MCOLN2: variants seen among roughly 807,000 people sequenced by gnomAD.
The protein encoded by MCOLN2 is mucolipin-2.
Under a neutral mutation model 67.5 loss-of-function variants are expected in MCOLN2, and 57 were observed. The ratio of observed to expected loss-of-function variants is 0.84; its 90% CI spans 0.68 to 1.05. The LOEUF (loss-of-function observed/expected upper bound fraction) is 1.05, where lower values mean the gene tolerates loss of function less well. Ranked by LOEUF, MCOLN2 falls within the 50% of genes least tolerant of loss-of-function variation. MCOLN2 has a pLI of 0.00. For missense variants in MCOLN2, 620 were observed against 678.8 expected (o/e 0.91, Z 0.96); for synonymous variants, 246 against 233.3 (o/e 1.05, Z -0.50).
At chr1:84,987,170 A>G (rs1650548572) in intron 1 of MCOLN2, among the ~76,000 whole-genome samples, 4 of 130,600 alleles carry the variant, frequency 3.1e-5, no homozygotes, top group Non-Finnish European at 6.6e-5. Context: ...GGTGATATAT[A>G]TAGGCATATC....
At chr1:84,995,138 C>G (rs561251064) in intron 1 of MCOLN2, among the ~76,000 whole-genome samples, 2 of 152,172 alleles carry the variant, frequency 1.3e-5, no homozygotes, top group South Asian at 4.2e-4. Flanking sequence ...AAAACAATTA[C>G]AGTAGTCACA....
At chr1:84,958,813 A>G (rs1648929915) in intron 2 of MCOLN2, 111 bp from the exon 3 acceptor site, 2 of 820,570 alleles carry the variant, frequency 2.4e-6, no homozygotes, top group African/African-American at 1.8e-5. Context: ...AATAATATCA[A>G]TTTTTTTTGG....
At chr1:84,948,285 A>T (rs1570973725) in intron 6 of MCOLN2, among the ~76,000 whole-genome samples, 1 of 152,216 alleles carries the variant, frequency 6.6e-6, no homozygotes, top group African/African-American at 2.4e-5. Context: ...CATTGCTGTT[A>T]AAAACTCCCT....
At chr1:84,933,565 T>C (rs775855989) in intron 11 of MCOLN2, among the ~76,000 whole-genome samples, 1 of 152,216 alleles carries the variant, frequency 6.6e-6, no homozygotes, top group Non-Finnish European at 1.5e-5. Flanking sequence ...CCTTAAAACA[T>C]TGAAGTTAAA....
rs190612767 is a variant in MCOLN2, at chr1:84,958,773, A to G, written c.238-71T>C. The G allele has an allele frequency of 6.2e-6, 7 of 1,135,932 alleles. No homozygotes were observed. In the East Asian group the frequency reaches 1.0e-4, roughly 16 times the overall value. The allele number at this position is 1,135,932 out of a possible 1,614,324, so 70.4% of individuals were successfully genotyped here. A position where few individuals can be genotyped will look rare whatever the true frequency, so the allele number is the denominator to read the frequency against. On this transcript the variant is annotated intron_variant, in intron 2 of 13. Transcript: ENST00000370608. The stretch of plus-strand genomic sequence containing the variant: ...CAGGGGAGGCAAATGTCTTCTCACT[A>G]TCATCAACCATTACCTATAAACATC...
chr1:84,987,474 A>ACATATATAGG (rs1438303649), intron 1 of MCOLN2, among the ~76,000 whole-genome samples: 1 of 21,882 alleles, frequency 4.6e-5, no homozygotes, highest in East Asian at 1.3e-3. Flanking sequence ...ATATATAGAT[A>ACATATATAGG]TATATACATA....
Position 84,958,695 on chromosome 1 carries a change from C to G in MCOLN2, c.245G>C (p.Arg82Pro), listed in dbSNP as rs368881560. 6.4e-7 allele frequency: 1 copy of G among 1,570,680 alleles called. No homozygotes were observed. The highest frequency in any genetic ancestry group is 8.6e-7 in the Non-Finnish European group (1 of 1,164,606). ...KIVMVTTQLV[R>P]FGLSNQLVVA... The stretch of plus-strand genomic sequence containing the variant: ...CACCAGCTGGTTACTTAAACCAAAA[C>G]GAACAAGCTAAAAAATAAAATAAAA... The change falls in exon 3 of 14, where the codon CGT becomes CCT. Residue 82 changes from arginine (R) to proline (P), a missense_variant. Transcript: ENST00000370608.
At chr1:84,986,450 G>C (rs556194519) in intron 1 of MCOLN2, among the ~76,000 whole-genome samples, 2 of 151,780 alleles carry the variant, frequency 1.3e-5, no homozygotes, top group African/African-American at 4.8e-5. Flanking sequence ...GGCTGAGGCA[G>C]GAGAATCACT....
intron 2 of MCOLN2, among the ~76,000 whole-genome samples, chr1:84,961,968 A>T (rs1288701131): frequency 6.6e-6 from 1 of 152,196 alleles, no homozygotes; most frequent in African/African-American, 2.4e-5. Flanking sequence ...CAGAGCAGGA[A>T]TTTTAAAAAA....
chr1:84,985,065 G>A (rs1650438895), intron 1 of MCOLN2, among the ~76,000 whole-genome samples: 1 of 150,806 alleles, frequency 6.6e-6, no homozygotes, highest in South Asian at 2.1e-4. Context: ...ATACATTCAA[G>A]AAACTTCTAC....
At chr1:84,952,182 C>A in intron 6 of MCOLN2, 61 bp downstream of exon 6, 2 of 1,131,476 alleles carry the variant, frequency 1.8e-6, no homozygotes, top group Non-Finnish European at 2.6e-6. Flanking sequence ...TTATACTCTG[C>A]ATCAACAAAA....
At chr1:84,986,867 A>G (rs1020082041) in intron 1 of MCOLN2, among the ~76,000 whole-genome samples, 2 of 152,186 alleles carry the variant, frequency 1.3e-5, no homozygotes, top group African/African-American at 2.4e-5. Flanking sequence ...CCATAATCAA[A>G]AAATCAAAAA....
At chr1:84,935,689 A>G (rs1386980666) in intron 11 of MCOLN2, among the ~76,000 whole-genome samples, 2 of 152,224 alleles carry the variant, frequency 1.3e-5, no homozygotes, top group Non-Finnish European at 2.9e-5. Flanking sequence ...TAGCTACTAG[A>G]AAATTTTACA....
intron 1 of MCOLN2, among the ~76,000 whole-genome samples, chr1:84,966,834 A>C (rs593745): frequency 0.35 from 53,450 of 151,712 alleles, 9,741 homozygotes; most frequent in African/African-American, 0.43. Context: ...TGCCGAAAAC[A>C]ATCCATTGGG....
At chr1:84,936,212 A>T (rs1473620534) in intron 11 of MCOLN2, among the ~76,000 whole-genome samples, 1 of 152,196 alleles carries the variant, frequency 6.6e-6, no homozygotes, top group Non-Finnish European at 1.5e-5. Context: ...TGCCTAACAG[A>T]CAGCACTTGA....
chr1:84,930,587 G>C (rs1004136526), intron 12 of MCOLN2, among the ~76,000 whole-genome samples: 1 of 152,082 alleles, frequency 6.6e-6, no homozygotes, highest in Admixed American at 6.5e-5. Flanking sequence ...TGCAAACCCT[G>C]ATGCGAGAGG....
intron 2 of MCOLN2, among the ~76,000 whole-genome samples, chr1:84,962,903 T>G (rs1010458158): frequency 6.6e-6 from 1 of 152,204 alleles, no homozygotes; most frequent in African/African-American, 2.4e-5. Flanking sequence ...ATAAAGTCTA[T>G]TCTACGAAAA....
intron 1 of MCOLN2, among the ~76,000 whole-genome samples, chr1:84,989,103 C>G (rs1170423737): frequency 6.6e-6 from 1 of 152,132 alleles, no homozygotes; most frequent in Non-Finnish European, 1.5e-5. Context: ...CAATGGACTT[C>G]ATGAAGGGTG....
chr1:84,943,948 A>AT (rs762048404), intron 7 of MCOLN2, among the ~76,000 whole-genome samples: 26 of 152,170 alleles, frequency 1.7e-4, no homozygotes, highest in African/African-American at 6.3e-4. Context: ...ATAATGCAAG[A>AT]TTTTTTTTCC....
Sources: gnomAD v4.1 joint callset for allele counts (sites outside exome capture counted in the v4.1 genomes callset) on GRCh38, gnomAD v4.1.1 for gene constraint, MANE v1.5 for transcripts, NCBI Gene and HGNC (gene_info 2026-07-23, HGNC 2026-07-21) for gene names.